MOB1A: variants seen among roughly 807,000 people sequenced by gnomAD.
MOB1A encodes the protein MOB1 Mps One Binder homolog A.
Under a neutral mutation model 25.1 loss-of-function variants are expected in MOB1A, and 10 were observed. The ratio of observed to expected loss-of-function variants is 0.40; its 90% confidence interval spans 0.25 to 0.68. MOB1A has a LOEUF of 0.68. Among genes scored for constraint, MOB1A ranks in the 30% least tolerant of loss-of-function variants. The pLI is 0.40. For synonymous variants in MOB1A, 81 were observed against 79.5 expected (o/e 1.02, Z -0.10); for missense variants, 177 against 256.3 (o/e 0.69, Z 2.11).
Position 74,167,049 on chromosome 2 carries a change from A to C in MOB1A, c.240T>G (p.Thr80=). The part of the protein sequence containing the change: ...MLYGTITEFC[T]EASCPVMSAG... ...CAGACATGACTGGACAGCTTGCTTC[A>C]GTGCAGAATTCTGTAATAGTTCCAT... The change falls in exon 3 of 6, where the codon ACT becomes ACG. Residue 80 remains threonine, a synonymous_variant. Coordinates refer to ENST00000396049, the MANE Select transcript of MOB1A (RefSeq NM_018221.5). 6.2e-7 allele frequency: 1 copy of C among 1,613,952 alleles called. No homozygotes were observed. The highest frequency in any genetic ancestry group is 1.1e-5 in the South Asian group (1 of 91,072).
intron 1 of MOB1A, 57 bp downstream of exon 1, chr2:74,178,604 G>A (rs911643148): frequency 3.8e-6 from 5 of 1,311,090 alleles, no homozygotes; most frequent in Non-Finnish European, 3.0e-6. Flanking sequence ...GGTCCGGGGA[G>A]GCCTCCCCCA....
intron 1 of MOB1A, among the ~76,000 whole-genome samples, chr2:74,176,489 G>C (rs1187870031): frequency 1.3e-5 from 2 of 151,950 alleles, no homozygotes; most frequent in East Asian, 3.9e-4. Flanking sequence ...GCAAGGCCGG[G>C]CGCAGTGGCT....
At chr2:74,166,415 A>AT (rs908489757) in intron 3 of MOB1A, among the ~76,000 whole-genome samples, 16 of 152,276 alleles carry the variant, frequency 1.1e-4, no homozygotes, top group Non-Finnish European at 1.6e-4. Context: ...AAAAAATAAA[A>AT]TGTTTGCAAT....
In MOB1A at chr2:74,153,804, G is replaced by GT. The variant is rs541278438; in HGVS notation, c.*2763dup. ...CTTCTGATTAGCAAGGGGGAAGGGA[G>GT]TGAGTGTTATGGAACAGGCAAACCT... On this transcript the variant is annotated 3_prime_UTR_variant, in exon 6 of 6. Coordinates refer to ENST00000396049, the MANE Select transcript of MOB1A (RefSeq NM_018221.5). 30 of 152,364 alleles carry GT rather than the reference G, an allele frequency of 2.0e-4. No homozygotes were observed. Among genetic ancestry groups the GT allele is most frequent in the African/African-American group, 7.2e-4 (30 of 41,584 alleles). 9.4% of individuals were successfully genotyped at this position (152,364 alleles called of 1,614,324 possible).
intron 1 of MOB1A, among the ~76,000 whole-genome samples, chr2:74,177,186 G>A (rs974362259): frequency 1.3e-5 from 2 of 152,042 alleles, no homozygotes; most frequent in African/African-American, 4.8e-5. Context: ...GGTGGCCGGC[G>A]CCTGTAATCC....
At chr2:74,174,683 G>C (rs1474557981) in intron 1 of MOB1A, among the ~76,000 whole-genome samples, 1 of 152,168 alleles carries the variant, frequency 6.6e-6, no homozygotes, top group Admixed American at 6.5e-5. Flanking sequence ...AAAGTGGACA[G>C]ATTTCAAATA....
chr2:74,175,789 A>T (rs565002329), intron 1 of MOB1A, among the ~76,000 whole-genome samples: 21 of 152,272 alleles, frequency 1.4e-4, no homozygotes, highest in Admixed American at 2.0e-4. Context: ...GTTAAACATA[A>T]TACACAACCA....
intron 1 of MOB1A, 117 bp from the exon 2 acceptor site, chr2:74,172,869 G>A: frequency 8.8e-7 from 1 of 1,134,450 alleles, no homozygotes; most frequent in Non-Finnish European, 1.3e-6. Context: ...AATACTCTCT[G>A]GGCCAGGCAT....
chr2:74,176,083 T>TACAC (rs58496712), intron 1 of MOB1A, among the ~76,000 whole-genome samples: 25,735 of 128,840 alleles, frequency 0.2, 2,713 homozygotes, highest in South Asian at 0.37. Context: ...CCGCCTCTAC[T>TACAC]ACACACACAC....
intron 4 of MOB1A, among the ~76,000 whole-genome samples, chr2:74,161,400 T>C (rs1232498104): frequency 2.0e-5 from 3 of 151,814 alleles, no homozygotes; most frequent in Non-Finnish European, 2.9e-5. Flanking sequence ...TCCCAGCACT[T>C]TGGGAGGCCG....
At position 74,177,279 on chromosome 2, in the gene MOB1A, G is replaced by A. The variant is rs113611045; in HGVS notation, c.14+1382C>T. Among the ~76,000 whole-genome samples the A allele has an allele frequency of 2.2e-3, 327 of 151,920 alleles. 1 individual carries two copies. The highest frequency in any genetic ancestry group is 7.5e-3 in the African/African-American group (312 of 41,426). On this transcript the variant is annotated intron_variant, in intron 1 of 5. Coordinates refer to ENST00000396049, the MANE Select transcript of MOB1A (RefSeq NM_018221.5). The stretch of plus-strand genomic sequence containing the variant: ...AGTGAGCCGAGACCGTGCCATCCCC[G>A]GAGGCAGAGGTTGCAGTGAGCCGAG...
intron 4 of MOB1A, among the ~76,000 whole-genome samples, chr2:74,160,732 A>G (rs978432378): frequency 4.6e-5 from 7 of 151,742 alleles, no homozygotes; most frequent in East Asian, 3.9e-4. Flanking sequence ...TTAGAAAACA[A>G]CGGGGGTAGA....
Position 74,153,056 on chromosome 2 carries a change from G to A in MOB1A, c.*3512C>T, listed in dbSNP as rs1434800948. 1.3e-5 allele frequency: 2 copies of A among 152,142 alleles called. No homozygotes were observed. Among genetic ancestry groups the A allele is most frequent in the Admixed American group, 1.3e-4 (2 of 15,270 alleles). The allele number at this position is 152,142 out of a possible 1,614,324, so 9.4% of individuals were successfully genotyped here. On this transcript the variant is annotated 3_prime_UTR_variant, in exon 6 of 6. Transcript: ENST00000396049. ...TACCTCTTTTCAGAACTCTACAATA[G>A]TAGAAACTAAATTCCCTTATGGATC...
chr2:74,171,904 A>AAAATAAAT (rs58041450), intron 2 of MOB1A, among the ~76,000 whole-genome samples: 2 of 151,998 alleles, frequency 1.3e-5, no homozygotes, highest in African/African-American at 4.8e-5. Context: ...CTCCATCTCA[A>AAAATAAAT]AAATAAATAA....
intron 1 of MOB1A, among the ~76,000 whole-genome samples, chr2:74,176,600 TA>T (rs1217383259): frequency 6.6e-6 from 1 of 151,554 alleles, no homozygotes; most frequent in Non-Finnish European, 1.5e-5. Context: ...CCGTCTCTAC[TA>T]AAAACACAAA....
At chr2:74,173,666 C>T (rs2103741992) in intron 1 of MOB1A, among the ~76,000 whole-genome samples, 1 of 151,366 alleles carries the variant, frequency 6.6e-6, no homozygotes, top group African/African-American at 2.4e-5. Context: ...AATGATGGGG[C>T]CATGCCGGGC....
chr2:74,176,298 A>AAGGCCGGGCGC (rs1693458608), intron 1 of MOB1A, among the ~76,000 whole-genome samples: 1 of 147,138 alleles, frequency 6.8e-6, no homozygotes, highest in East Asian at 2.0e-4. Context: ...AAAAAAAAAA[A>AAGGCCGGGCGC]GGAGGTAAAA....
chr2:74,176,181 CAGG>C (rs1192323094), intron 1 of MOB1A, among the ~76,000 whole-genome samples: 1 of 137,950 alleles, frequency 7.2e-6, no homozygotes, highest in African/African-American at 2.8e-5. Flanking sequence ...GAGGCTGAGG[CAGG>C]AGAATTGCTT....
intron 2 of MOB1A, among the ~76,000 whole-genome samples, chr2:74,170,633 G>A (rs930354159): frequency 4.0e-5 from 6 of 150,726 alleles, no homozygotes; most frequent in Admixed American, 2.0e-4. Flanking sequence ...TACTCAGGAG[G>A]CTGAGGCAGA....
Sources: allele counts gnomAD v4.1 joint callset (sites outside exome capture counted in the v4.1 genomes callset), GRCh38; gene constraint gnomAD v4.1.1; transcripts MANE v1.5; gene names NCBI Gene and HGNC (gene_info 2026-07-23, HGNC 2026-07-21).